Variants in PSMD14 observed in about 807,000 individuals in gnomAD.
PSMD14 encodes ubiquitin C-terminal hydrolase PSMD14.
A neutral mutation model predicts 41.2 loss-of-function variants in PSMD14; 7 were observed. The observed-to-expected ratio is 0.17, with a 90% CI of 0.10 to 0.32. The LOEUF (loss-of-function observed/expected upper bound fraction) is 0.32. PSMD14 is among the 10% of genes least tolerant of loss of function. The pLI, the probability that PSMD14 is intolerant of heterozygous loss-of-function variation, is 1.00. For missense variants in PSMD14, 139 were observed against 375.6 expected, an observed-to-expected ratio of 0.37 and a Z score of 5.21; for synonymous variants, 114 against 122.3, an observed-to-expected ratio of 0.93 and a Z score of 0.45.
At chr2:161,383,447 T>A (rs1039792562) in intron 7 of PSMD14, 3 of 152,012 alleles carry the variant, frequency 2.0e-5, no homozygotes, top group Admixed American at 6.6e-5. Flanking sequence ...TAAGAAAATT[T>A]AAAAAATTTG....
At position 161,374,133 on chromosome 2, in the gene PSMD14, A is replaced by G. The variant is rs1574134412; in HGVS notation, c.462+2811A>G. 2.0e-5 allele frequency among the ~76,000 whole-genome samples: 3 copies of G among 151,960 alleles called. No homozygotes were observed. In the East Asian group the frequency reaches 5.8e-4, roughly 29 times the overall value. On this transcript the variant is annotated intron_variant, in intron 7 of 11. Transcript: ENST00000409682. Reference sequence around the variant, plus strand: ...TTTAATTCCTTAGTATTAAACCACTATGAATGATGTAATCAGAGTAACTGC... The same window carrying G: ...TTTAATTCCTTAGTATTAAACCACTGTGAATGATGTAATCAGAGTAACTGC...
intron 2 of PSMD14, among the ~76,000 whole-genome samples, chr2:161,317,311 A>G (rs1689158018): frequency 6.6e-6 from 1 of 152,190 alleles, no homozygotes; most frequent in African/African-American, 2.4e-5. Flanking sequence ...ATGCCTTTTC[A>G]TTTTAAAAAA....
In PSMD14 at chr2:161,411,431, C is replaced by CA. The variant is rs1245287883; in HGVS notation, c.*32dup. ...CGAAAAACGCTATTAATGATGCCTT[C>CA]AGTGTATATTCCTCTGTTGTTCCTA... On this transcript the variant is annotated 3_prime_UTR_variant, in exon 12 of 12. Coordinates refer to ENST00000409682, the MANE Select transcript of PSMD14 (RefSeq NM_005805.6). 6.8e-7 allele frequency: 1 copy of CA among 1,462,922 alleles called. No homozygotes were observed. The highest frequency in any genetic ancestry group is 2.3e-5 in the East Asian group (1 of 43,222). The allele number at this position is 1,462,922 out of a possible 1,614,324, so 90.6% of individuals were successfully genotyped here.
intron 3 of PSMD14, among the ~76,000 whole-genome samples, chr2:161,349,012 A>T (rs115224838): frequency 6.6e-6 from 1 of 152,178 alleles, no homozygotes; most frequent in African/African-American, 2.4e-5. Flanking sequence ...TCTCACTCCC[A>T]GAGAGGCATC....
intron 7 of PSMD14, among the ~76,000 whole-genome samples, chr2:161,377,288 A>G (rs1683516945): frequency 6.6e-6 from 1 of 152,064 alleles, no homozygotes; most frequent in South Asian, 2.1e-4. Context: ...GAATACATAA[A>G]GAAATCTATT....
intron 8 of PSMD14, 29 bp from the exon 9 acceptor site, chr2:161,391,075 G>A: frequency 7.0e-7 from 1 of 1,428,286 alleles, no homozygotes; most frequent in Non-Finnish European, 9.2e-7. Flanking sequence ...ATATTAATTT[G>A]TCCTTTTTAA....
intron 9 of PSMD14, among the ~76,000 whole-genome samples, chr2:161,394,441 G>C (rs555611086): frequency 7.2e-5 from 11 of 152,296 alleles, no homozygotes; most frequent in Admixed American, 7.2e-4. Context: ...GGATCAGAAA[G>C]ATTGACACAA....
chr2:161,335,850 T>C (rs1682862039), intron 3 of PSMD14, among the ~76,000 whole-genome samples: 1 of 152,248 alleles, frequency 6.6e-6, no homozygotes, highest in Admixed American at 6.5e-5. Context: ...ATTGATTAAC[T>C]TCTTTGAACT....
intron 3 of PSMD14, among the ~76,000 whole-genome samples, chr2:161,347,508 G>C (rs939198894): frequency 6.6e-6 from 1 of 152,130 alleles, no homozygotes; most frequent in Non-Finnish European, 1.5e-5. Context: ...CTACTCAGAC[G>C]TTAGATCATA....
At position 161,309,293 on chromosome 2, in the gene PSMD14, A is replaced by T. The variant is rs555647644; in HGVS notation, c.-138+689A>T. Among the ~76,000 whole-genome samples the T allele has an allele frequency of 2.0e-5, 3 of 152,354 alleles. No homozygotes were observed. In the East Asian group the frequency reaches 5.8e-4, roughly 29 times the overall value. ...GATGTAGCTCTGTGTCTGTCAAAAGAAAAAGAATGTAAACTTTTGAGTCTA... is the reference window on the plus strand; with the variant it reads ...GATGTAGCTCTGTGTCTGTCAAAAGTAAAAGAATGTAAACTTTTGAGTCTA... On this transcript the variant is annotated intron_variant, in intron 1 of 11. Transcript: ENST00000409682.
At chr2:161,400,067 C>T (rs749973925) in intron 10 of PSMD14, among the ~76,000 whole-genome samples, 5 of 152,112 alleles carry the variant, frequency 3.3e-5, no homozygotes, top group African/African-American at 7.2e-5. Context: ...CTTTATGTAA[C>T]GCCTGAATTA....
intron 3 of PSMD14, among the ~76,000 whole-genome samples, chr2:161,333,901 T>C (rs1305846013): frequency 2.0e-5 from 3 of 152,024 alleles, no homozygotes; most frequent in Non-Finnish European, 4.4e-5. Context: ...CATGGTGGCA[T>C]GCACCTGTAA....
At position 161,370,179 on chromosome 2, in the gene PSMD14, T is replaced by TATGTTG; in HGVS notation, c.311+3_311+4insTGTTGA. On this transcript the variant is annotated splice_region_variant and intron_variant, in intron 6 of 11. Coordinates refer to ENST00000409682, the MANE Select transcript of PSMD14 (RefSeq NM_005805.6). ...GGATATGTTGAAGCAGACAGGAAGG[T>TATGTTG]AAGCATTTTAAATGATCAGTTAAAG... is the stretch of plus-strand genomic sequence containing the variant. 6.4e-7 allele frequency: 1 copy of TATGTTG among 1,556,404 alleles called. No individual in the cohort carries two copies. The highest frequency in any genetic ancestry group is 8.7e-7 in the Non-Finnish European group (1 of 1,144,640).
chr2:161,339,496 ATTTT>A (rs202216505), intron 3 of PSMD14, among the ~76,000 whole-genome samples: 6 of 105,560 alleles, frequency 5.7e-5, no homozygotes, highest in African/African-American at 1.7e-4. Flanking sequence ...TTGTTAATGA[ATTTT>A]TTTTTTTTTT....
At chr2:161,400,524 A>C in intron 10 of PSMD14, among the ~76,000 whole-genome samples, 1 of 152,196 alleles carries the variant, frequency 6.6e-6, no homozygotes, top group African/African-American at 2.4e-5. Context: ...ATTTGAAAAA[A>C]ACCTCAAACT....
At chr2:161,335,078 A>G (rs1399202692) in intron 3 of PSMD14, among the ~76,000 whole-genome samples, 1 of 152,254 alleles carries the variant, frequency 6.6e-6, no homozygotes, top group African/African-American at 2.4e-5. Context: ...GCTTCTAATT[A>G]ACAGAATTCA....
chr2:161,404,229 C>G (rs1444491147), intron 10 of PSMD14, among the ~76,000 whole-genome samples: 1 of 152,004 alleles, frequency 6.6e-6, no homozygotes, highest in Non-Finnish European at 1.5e-5. Flanking sequence ...TTTTTAATTT[C>G]CTGGTTTTAC....
At chr2:161,346,497 G>A (rs1192460488) in intron 3 of PSMD14, among the ~76,000 whole-genome samples, 1 of 150,016 alleles carries the variant, frequency 6.7e-6, no homozygotes, top group Non-Finnish European at 1.5e-5. Flanking sequence ...TCTCCTTACT[G>A]TGGGCCATAT....
intron 3 of PSMD14, among the ~76,000 whole-genome samples, chr2:161,330,517 A>G (rs1682772796): frequency 6.6e-6 from 1 of 152,118 alleles, no homozygotes; most frequent in African/African-American, 2.4e-5. Flanking sequence ...AACTTGCATA[A>G]TTTAATTTGT....
Sources: allele counts gnomAD v4.1 joint callset (sites outside exome capture counted in the v4.1 genomes callset), GRCh38; gene constraint gnomAD v4.1.1; transcripts MANE v1.5; gene names NCBI Gene and HGNC (gene_info 2026-07-23, HGNC 2026-07-21).